LRMDA: variants seen among roughly 807,000 people sequenced by gnomAD.
LRMDA encodes the protein leucine-rich melanocyte differentiation-associated protein.
A neutral mutation model predicts 29.8 loss-of-function variants in LRMDA; 18 were observed. The observed-to-expected ratio is 0.60, with a 90% confidence interval of 0.42 to 0.90. The LOEUF (loss-of-function observed/expected upper bound fraction) is 0.90, where lower values mean the gene tolerates loss of function less well. Ranked by LOEUF, LRMDA falls within the 40% of genes least tolerant of loss-of-function variation. The pLI, the probability that LRMDA is intolerant of heterozygous loss-of-function variation, is 0.00. For synonymous variants in LRMDA, 125 were observed against 109.4 expected (o/e 1.14, Z -0.89); for missense variants, 273 against 273.9 (o/e 1.00, Z 0.02).
At chr10:75,457,624 A>G (rs1481225897) in intron 2 of LRMDA, among the ~76,000 whole-genome samples, 1 of 152,180 alleles carries the variant, frequency 6.6e-6, no homozygotes, top group Non-Finnish European at 1.5e-5. Context: ...TAGTGTTTTG[A>G]AAGTCTATAG....
rs969969814 is a variant in LRMDA at position 76,477,457 on chromosome 10, G to A, written c.602-79752G>A. Among the ~76,000 whole-genome samples the A allele has an allele frequency of 9.2e-3, 1,397 of 151,854 alleles. 18 individuals are homozygous for A. The highest frequency in any genetic ancestry group is 0.032 in the African/African-American group (1,329 of 41,350). ...CTCATGGATAGGAAGAATCAATATCGTGAAAATGGCCATACTGCCCAAGGT... is the reference window on the plus strand; with the variant it reads ...CTCATGGATAGGAAGAATCAATATCATGAAAATGGCCATACTGCCCAAGGT... On this transcript the variant is annotated intron_variant, in intron 6 of 6. Coordinates refer to ENST00000611255, the MANE Select transcript of LRMDA (RefSeq NM_001305581.2).
chr10:76,019,044 G>A (rs1269247852), intron 2 of LRMDA, among the ~76,000 whole-genome samples: 3 of 152,082 alleles, frequency 2.0e-5, no homozygotes, highest in Non-Finnish European at 2.9e-5. Context: ...TTTAGTTTAC[G>A]CCATTTTCCT....
chr10:76,439,697 G>A (rs1208695493), intron 6 of LRMDA, among the ~76,000 whole-genome samples: 2 of 152,190 alleles, frequency 1.3e-5, no homozygotes, highest in South Asian at 2.1e-4. Context: ...CTCTCAAAGT[G>A]CCACTGCGCC....
chr10:76,317,405 C>T (rs1261443235), intron 5 of LRMDA, among the ~76,000 whole-genome samples: 1 of 152,124 alleles, frequency 6.6e-6, no homozygotes, highest in Non-Finnish European at 1.5e-5. Flanking sequence ...CTCTCCTCAA[C>T]CTCTGATAGG....
intron 2 of LRMDA, among the ~76,000 whole-genome samples, chr10:75,986,171 C>T (rs1847259044): frequency 6.6e-6 from 1 of 152,158 alleles, no homozygotes; most frequent in Non-Finnish European, 1.5e-5. Flanking sequence ...TGAGTACCTA[C>T]TATTTAACAG....
chr10:75,795,553 G>A (rs544693563), intron 2 of LRMDA, among the ~76,000 whole-genome samples: 3 of 152,190 alleles, frequency 2.0e-5, no homozygotes, highest in Middle Eastern at 3.4e-3. Flanking sequence ...ATGAATGTGT[G>A]GGTCTATTAT....
At chr10:76,025,466 G>A (rs1289932154) in intron 2 of LRMDA, among the ~76,000 whole-genome samples, 1 of 151,700 alleles carries the variant, frequency 6.6e-6, no homozygotes, top group Non-Finnish European at 1.5e-5. Context: ...ACGCTGTCCT[G>A]TATGGTGTCC....
At chr10:75,741,895 G>A (rs1267769929) in intron 2 of LRMDA, among the ~76,000 whole-genome samples, 1 of 152,150 alleles carries the variant, frequency 6.6e-6, no homozygotes. Flanking sequence ...GGTCATAAGG[G>A]TGGAGCTCTC....
intron 2 of LRMDA, among the ~76,000 whole-genome samples, chr10:75,501,423 T>G (rs1197997649): frequency 6.6e-6 from 1 of 152,214 alleles, no homozygotes; most frequent in African/African-American, 2.4e-5. Context: ...ACCTAAGATG[T>G]CTGTAAAAGT....
intron 2 of LRMDA, among the ~76,000 whole-genome samples, chr10:76,008,573 G>T (rs2132477038): frequency 6.6e-6 from 1 of 152,340 alleles, no homozygotes. Flanking sequence ...ACTGTGCAGG[G>T]CACAGGGGAC....
chr10:76,378,612 G>GT (rs1056591955), intron 6 of LRMDA, among the ~76,000 whole-genome samples: 5 of 151,298 alleles, frequency 3.3e-5, no homozygotes, highest in Admixed American at 6.6e-5. Flanking sequence ...TTTATTGACT[G>GT]TTTTTTTTCT....
At chr10:75,692,293 A>G (rs1238364625) in intron 2 of LRMDA, among the ~76,000 whole-genome samples, 1 of 146,830 alleles carries the variant, frequency 6.8e-6, no homozygotes, top group African/African-American at 2.5e-5. Flanking sequence ...ATATACATAT[A>G]TACACACATA....
chr10:75,630,620 T>C (rs992709411), intron 2 of LRMDA, among the ~76,000 whole-genome samples: 1 of 152,212 alleles, frequency 6.6e-6, no homozygotes, highest in African/African-American at 2.4e-5. Context: ...GTGTTGAAAA[T>C]TTCCAAATCT....
intron 2 of LRMDA, among the ~76,000 whole-genome samples, chr10:75,658,402 C>A (rs533733828): frequency 6.6e-6 from 1 of 151,386 alleles, no homozygotes; most frequent in Non-Finnish European, 1.5e-5. Flanking sequence ...AGTGTTCAGA[C>A]TAGGGAAGGA....
intron 2 of LRMDA, among the ~76,000 whole-genome samples, chr10:75,617,138 T>C (rs1162854286): frequency 1.3e-5 from 2 of 152,178 alleles, no homozygotes; most frequent in East Asian, 3.9e-4. Context: ...CTTTATCAGA[T>C]AAACTGTAGT....
intron 6 of LRMDA, among the ~76,000 whole-genome samples, chr10:76,405,479 C>T (rs974549840): frequency 1.3e-5 from 2 of 152,148 alleles, no homozygotes; most frequent in African/African-American, 4.8e-5. Flanking sequence ...AGGAACAGTG[C>T]GCTGCTGTTT....
chr10:76,481,413 T>C (rs562575493), intron 6 of LRMDA, among the ~76,000 whole-genome samples: 1 of 151,888 alleles, frequency 6.6e-6, no homozygotes, highest in Admixed American at 6.6e-5. Context: ...TTTTAAGGCC[T>C]TCTTTAGGGA....
At chr10:75,940,193 A>G (rs1322444266) in intron 2 of LRMDA, among the ~76,000 whole-genome samples, 1 of 152,196 alleles carries the variant, frequency 6.6e-6, no homozygotes, top group Non-Finnish European at 1.5e-5. Flanking sequence ...ATGGAATATA[A>G]ACAAAATAGG....
chr10:76,189,067 T>G (rs145966675), intron 5 of LRMDA, among the ~76,000 whole-genome samples: 1 of 152,082 alleles, frequency 6.6e-6, no homozygotes, highest in Non-Finnish European at 1.5e-5. Context: ...AAAGAAAATG[T>G]TTTTATTAGG....
Sources: gnomAD v4.1 joint callset for allele counts (sites outside exome capture counted in the v4.1 genomes callset) on GRCh38, gnomAD v4.1.1 for gene constraint, MANE v1.5 for transcripts, NCBI Gene and HGNC (gene_info 2026-07-23, HGNC 2026-07-21) for gene names.